C8orf34: variants seen among roughly 807,000 people sequenced by gnomAD.
The protein encoded by C8orf34 is uncharacterized protein C8orf34.
Under a neutral mutation model 68.3 loss-of-function variants are expected in C8orf34, and 65 were observed. The observed-to-expected ratio is 0.95, with a 90% confidence interval of 0.78 to 1.17. The LOEUF is 1.17. Ranked by LOEUF, C8orf34 falls within the 50% of genes most tolerant of loss-of-function variation. C8orf34 has a pLI of 0.00. For synonymous variants in C8orf34, 244 were observed against 241.2 expected (o/e 1.01, Z -0.11); for missense variants, 664 against 655.4 (o/e 1.01, Z -0.14).
chr8:68,626,921 G>A (rs1818552807), intron 7 of C8orf34, among the ~76,000 whole-genome samples: 1 of 152,074 alleles, frequency 6.6e-6, no homozygotes, highest in African/African-American at 2.4e-5. Flanking sequence ...TTTTCAAAAA[G>A]ACTGACTTAA....
At chr8:68,399,177 A>T (rs930855552) in intron 1 of C8orf34, among the ~76,000 whole-genome samples, 2 of 152,048 alleles carry the variant, frequency 1.3e-5, no homozygotes, top group Admixed American at 1.3e-4. Context: ...TTTCATTTCT[A>T]TAAGTTTATG....
intron 5 of C8orf34, among the ~76,000 whole-genome samples, chr8:68,488,957 C>A (rs35502214): frequency 4.0e-5 from 6 of 150,474 alleles, no homozygotes; most frequent in African/African-American, 1.5e-4. Context: ...GATATCTAAA[C>A]GTTAAAAATT....
chr8:68,530,222 G>A (rs888246647), intron 6 of C8orf34, among the ~76,000 whole-genome samples: 2 of 151,846 alleles, frequency 1.3e-5, no homozygotes, highest in African/African-American at 2.4e-5. Flanking sequence ...TCCAACCACT[G>A]GATTATTAAA....
In C8orf34 at chr8:68,786,819, A is replaced by G. The variant is rs539399238; in HGVS notation, c.1456-624A>G. ...GGCAACTTAAAAAGCGTGCTCTGGCAGATGACTGGTGGGAGAATTAGACAG... is the reference window on the plus strand; with the variant it reads ...GGCAACTTAAAAAGCGTGCTCTGGCGGATGACTGGTGGGAGAATTAGACAG... On this transcript the variant is annotated intron_variant, in intron 11 of 13. Transcript: ENST00000518698. Among the ~76,000 whole-genome samples the G allele has an allele frequency of 2.0e-5, 3 of 152,354 alleles. No homozygotes were observed. In the South Asian group the frequency reaches 6.2e-4, roughly 32 times the overall value.
intron 8 of C8orf34, among the ~76,000 whole-genome samples, chr8:68,706,522 G>A (rs574461149): frequency 9.2e-5 from 14 of 152,282 alleles, no homozygotes; most frequent in African/African-American, 2.4e-4. Flanking sequence ...ATTTGGTTGC[G>A]TAGAAAGTGT....
chr8:68,582,698 G>A (rs1352283235), intron 7 of C8orf34, among the ~76,000 whole-genome samples: 1 of 151,806 alleles, frequency 6.6e-6, no homozygotes. Flanking sequence ...CTCGTTTTTT[G>A]AGCTCCAATA....
At chr8:68,552,279 T>C (rs1018143017) in intron 7 of C8orf34, among the ~76,000 whole-genome samples, 5 of 152,208 alleles carry the variant, frequency 3.3e-5, no homozygotes, top group Non-Finnish European at 5.9e-5. Context: ...ATTAAATCTG[T>C]AAATCAATTT....
intron 10 of C8orf34, among the ~76,000 whole-genome samples, chr8:68,737,237 A>G (rs774476016): frequency 2.6e-5 from 4 of 152,074 alleles, no homozygotes; most frequent in African/African-American, 7.2e-5. Context: ...ATTGCTCCAT[A>G]TCTTCAACTT....
chr8:68,559,770 T>C (rs1483567971), intron 7 of C8orf34, among the ~76,000 whole-genome samples: 2 of 152,184 alleles, frequency 1.3e-5, no homozygotes, highest in Non-Finnish European at 2.9e-5. Flanking sequence ...GGGAGTCGGT[T>C]AGATGAACAG....
In C8orf34 at chr8:68,370,565, C is replaced by G. The variant is rs76267902; in HGVS notation, c.327+39226C>G. 8.3e-3 allele frequency among the ~76,000 whole-genome samples: 1,259 copies of G among 152,240 alleles called. 39 individuals are homozygous for G. In the East Asian group the frequency reaches 0.1, roughly 12 times the overall value. Reference sequence around the variant, plus strand: ...ATGTGCTCTGGGCCTTTCTAGAGTGCGGAGTGGGTGAATGTCCAGTGTGCA... The same window carrying G: ...ATGTGCTCTGGGCCTTTCTAGAGTGGGGAGTGGGTGAATGTCCAGTGTGCA... On this transcript the variant is annotated intron_variant, in intron 1 of 13. Coordinates refer to ENST00000518698, the MANE Select transcript of C8orf34 (RefSeq NM_052958.4).
chr8:68,432,176 C>G (rs755046932), intron 1 of C8orf34, among the ~76,000 whole-genome samples: 4 of 151,350 alleles, frequency 2.6e-5, no homozygotes, highest in African/African-American at 9.7e-5. Context: ...TTTTAACAAG[C>G]ACCGTTGTAA....
At chr8:68,728,270 T>C (rs1286561800) in intron 10 of C8orf34, among the ~76,000 whole-genome samples, 1 of 152,156 alleles carries the variant, frequency 6.6e-6, no homozygotes. Flanking sequence ...AAGTTTCTCT[T>C]CTCCATCTGA....
intron 1 of C8orf34, among the ~76,000 whole-genome samples, chr8:68,367,804 A>G (rs572677646): frequency 1.0e-3 from 146 of 139,348 alleles, no homozygotes; most frequent in African/African-American, 3.5e-3. Context: ...ATGCTAGATG[A>G]CGAGTTAGTG....
intron 7 of C8orf34, among the ~76,000 whole-genome samples, chr8:68,619,274 C>T (rs1052370677): frequency 1.3e-5 from 2 of 152,006 alleles, no homozygotes; most frequent in Non-Finnish European, 2.9e-5. Context: ...TTCAGTGAGC[C>T]AAGATCACGC....
intron 7 of C8orf34, among the ~76,000 whole-genome samples, chr8:68,638,015 T>C (rs1235313548): frequency 2.0e-5 from 3 of 152,184 alleles, no homozygotes; most frequent in Non-Finnish European, 2.9e-5. Flanking sequence ...TGTGGGTAGG[T>C]AACTACCAGG....
At chr8:68,635,466 C>T (rs1818808796) in intron 7 of C8orf34, among the ~76,000 whole-genome samples, 1 of 152,190 alleles carries the variant, frequency 6.6e-6, no homozygotes, top group Non-Finnish European at 1.5e-5. Flanking sequence ...GAGAAAGCAA[C>T]TTTTAGTTCT....
chr8:68,733,658 C>T (rs1822046673), intron 10 of C8orf34, among the ~76,000 whole-genome samples: 2 of 152,094 alleles, frequency 1.3e-5, no homozygotes, highest in Non-Finnish European at 1.5e-5. Context: ...AACTATTCAT[C>T]AGCTTCTAGA....
chr8:68,332,220 A>G (rs561425035), intron 1 of C8orf34, among the ~76,000 whole-genome samples: 317 of 152,294 alleles, frequency 2.1e-3, no homozygotes, highest in South Asian at 6.2e-3. Context: ...GCGGGTTGCC[A>G]GGGTGCTGAG....
chr8:68,623,035 C>T (rs1818433544), intron 7 of C8orf34, among the ~76,000 whole-genome samples: 1 of 152,080 alleles, frequency 6.6e-6, no homozygotes, highest in Non-Finnish European at 1.5e-5. Context: ...GTAGTGTGAA[C>T]AGGTTATTGT....
Sources: gnomAD v4.1 joint callset for allele counts (sites outside exome capture counted in the v4.1 genomes callset) on GRCh38, gnomAD v4.1.1 for gene constraint, MANE v1.5 for transcripts, NCBI Gene and HGNC (gene_info 2026-07-23, HGNC 2026-07-21) for gene names.